SYN3: variants seen among roughly 807,000 people sequenced by gnomAD.
SYN3 encodes synapsin-3.
A neutral mutation model predicts 65.8 loss-of-function variants in SYN3; 35 were observed. The observed-to-expected ratio is 0.53, with a 90% CI of 0.41 to 0.70. The LOEUF (loss-of-function observed/expected upper bound fraction) is 0.70. Among genes scored for constraint, SYN3 ranks in the 30% least tolerant of loss-of-function variants. The probability of loss-of-function intolerance (pLI) is 0.00; values close to 1 mark genes in which losing one functional copy is unlikely to be tolerated. For synonymous variants in SYN3, 270 were observed against 292.9 expected, an observed-to-expected ratio of 0.92 and a Z score of 0.80; for missense variants, 680 against 749.0, an observed-to-expected ratio of 0.91 and a Z score of 1.08.
At chr22:32,921,927 C>G (rs1352614515) in intron 4 of SYN3, among the ~76,000 whole-genome samples, 2 of 152,122 alleles carry the variant, frequency 1.3e-5, no homozygotes, top group African/African-American at 4.8e-5. Context: ...ACCAAGGCAG[C>G]CTGCAGCCTG....
intron 4 of SYN3, among the ~76,000 whole-genome samples, chr22:32,923,905 T>A (rs1051494257): frequency 6.6e-6 from 1 of 152,204 alleles, no homozygotes; most frequent in African/African-American, 2.4e-5. Context: ...TGAGTTCTCA[T>A]CATTTAGCTC....
chr22:32,784,644 G>A (rs1264702483), intron 6 of SYN3, among the ~76,000 whole-genome samples: 7 of 152,210 alleles, frequency 4.6e-5, no homozygotes, highest in Admixed American at 3.9e-4. Flanking sequence ...GTAAGCTGCA[G>A]AGTGTATGGC....
intron 6 of SYN3, chr22:32,783,077 C>T (rs2145841898): frequency 6.6e-6 from 1 of 152,312 alleles, no homozygotes. Flanking sequence ...TCTTAGTCCA[C>T]AGCAGAGAAC....
At chr22:32,992,321 A>AG (rs2052741484) in intron 2 of SYN3, among the ~76,000 whole-genome samples, 2 of 152,162 alleles carry the variant, frequency 1.3e-5, no homozygotes, top group South Asian at 4.1e-4. Context: ...CCTGCACCTG[A>AG]GGGGAGCTCA....
intron 6 of SYN3, among the ~76,000 whole-genome samples, chr22:32,625,297 A>T (rs2059650373): frequency 6.6e-6 from 1 of 152,148 alleles, no homozygotes; most frequent in Non-Finnish European, 1.5e-5. Flanking sequence ...TTCATACAAA[A>T]CTGTGGATAT....
intron 6 of SYN3, among the ~76,000 whole-genome samples, chr22:32,796,445 G>A (rs2046430104): frequency 1.3e-5 from 2 of 152,210 alleles, no homozygotes; most frequent in South Asian, 4.1e-4. Context: ...TTTGCTGGCA[G>A]AGCTGGGGGA....
At chr22:32,913,769 A>G (rs984604682) in intron 4 of SYN3, among the ~76,000 whole-genome samples, 2 of 152,246 alleles carry the variant, frequency 1.3e-5, no homozygotes, top group African/African-American at 4.8e-5. Flanking sequence ...AAAAGGTGTC[A>G]GGACACAAGA....
At chr22:32,799,255 G>C (rs554142590) in intron 6 of SYN3, among the ~76,000 whole-genome samples, 3 of 152,304 alleles carry the variant, frequency 2.0e-5, no homozygotes, top group South Asian at 4.1e-4. Flanking sequence ...GAATAAGAGA[G>C]AACATCCCAA....
intron 3 of SYN3, among the ~76,000 whole-genome samples, chr22:32,957,018 G>A (rs1344761304): frequency 1.3e-5 from 2 of 152,126 alleles, no homozygotes; most frequent in African/African-American, 2.4e-5. Flanking sequence ...GGAAAATAGG[G>A]TCAGGAACAA....
intron 7 of SYN3, among the ~76,000 whole-genome samples, chr22:32,561,668 A>G (rs569100329): frequency 2.0e-5 from 3 of 152,284 alleles, no homozygotes; most frequent in African/African-American, 7.2e-5. Context: ...AGCAGGTGAC[A>G]TTCTGATCAG....
At chr22:32,989,090 T>C (rs115391175) in intron 2 of SYN3, among the ~76,000 whole-genome samples, 2,206 of 152,294 alleles carry the variant, frequency 0.014, 53 homozygotes, top group African/African-American at 0.05. Flanking sequence ...CCCGATGGGC[T>C]GCAAGGGTAG....
At chr22:32,574,410 T>A (rs2058823670) in intron 7 of SYN3, among the ~76,000 whole-genome samples, 1 of 152,040 alleles carries the variant, frequency 6.6e-6, no homozygotes, top group Non-Finnish European at 1.5e-5. Flanking sequence ...GCCTAGGAGT[T>A]TGAGGCTACA....
intron 4 of SYN3, among the ~76,000 whole-genome samples, chr22:32,929,806 T>C (rs1037773290): frequency 1.3e-5 from 2 of 152,114 alleles, no homozygotes; most frequent in African/African-American, 4.8e-5. Flanking sequence ...CTCCCTTGCC[T>C]CCACTAAGCT....
At chr22:32,802,848 T>C (rs1357154041) in intron 6 of SYN3, among the ~76,000 whole-genome samples, 1 of 152,068 alleles carries the variant, frequency 6.6e-6, no homozygotes, top group Non-Finnish European at 1.5e-5. Flanking sequence ...CCCTTGAATG[T>C]GTGTGGGGAG....
intron 11 of SYN3, 103 bp from the exon 12 acceptor site, chr22:32,528,108 C>A (rs1420605463): frequency 2.1e-5 from 19 of 884,446 alleles, no homozygotes; most frequent in Non-Finnish European, 3.2e-5. Flanking sequence ...TGAGAAGAGA[C>A]TCTTACACAT....
chr22:32,795,585 G>C (rs952811677), intron 6 of SYN3, among the ~76,000 whole-genome samples: 1 of 152,224 alleles, frequency 6.6e-6, no homozygotes, highest in African/African-American at 2.4e-5. Flanking sequence ...GTGCACTCCG[G>C]TGCACATAGC....
chr22:32,764,759 G>A (rs73156475), intron 6 of SYN3, among the ~76,000 whole-genome samples: 18,540 of 152,204 alleles, frequency 0.12, 1,143 homozygotes, highest in Admixed American at 0.16. Flanking sequence ...ACCCCAAGGC[G>A]TGAATCTGAA....
At chr22:32,885,146 C>T (rs1328319614) in intron 4 of SYN3, among the ~76,000 whole-genome samples, 4 of 136,904 alleles carry the variant, frequency 2.9e-5, no homozygotes, top group African/African-American at 1.1e-4. Context: ...ATTTTATGCA[C>T]CATGGAGTTG....
intron 7 of SYN3, among the ~76,000 whole-genome samples, chr22:32,572,270 C>CCTTCCTTCCTTTCCTTCCTTCCTTA (rs2058771507): frequency 9.2e-6 from 1 of 108,300 alleles, no homozygotes; most frequent in Non-Finnish European, 1.9e-5. Flanking sequence ...TTCCTTCCTT[C>CCTTCCTTCCTTTCCTTCCTTCCTTA]CCCCCTCCCT....
Sources: allele counts gnomAD v4.1 joint callset (sites outside exome capture counted in the v4.1 genomes callset), GRCh38; gene constraint gnomAD v4.1.1; transcripts MANE v1.5; gene names NCBI Gene and HGNC (gene_info 2026-07-23, HGNC 2026-07-21).